The following AKR7A2 variants were observed in gnomAD, a reference collection of about 807,000 sequenced individuals.
AKR7A2 encodes aldo-keto reductase family 7 member A2, also known as aflatoxin B1 aldehyde reductase member 2.
AKR7A2 carries 29 observed loss-of-function variants against 37.3 expected under a neutral mutation model. That is an observed-to-expected ratio of 0.78 (90% confidence interval 0.58 to 1.06). The LOEUF (loss-of-function observed/expected upper bound fraction) is 1.06, where lower values mean the gene tolerates loss of function less well. AKR7A2 is among the 50% of genes least tolerant of loss of function. The pLI, the probability that AKR7A2 is intolerant of heterozygous loss-of-function variation, is 0.00. For synonymous variants in AKR7A2, 228 were observed against 217.8 expected (o/e 1.05, Z -0.41); for missense variants, 529 against 497.9 (o/e 1.06, Z -0.59).
At chr1:19,305,887 G>T in intron 6 of AKR7A2, 131 bp downstream of exon 6, 1 of 1,448,108 alleles carries the variant, frequency 6.9e-7, no homozygotes, top group Non-Finnish European at 9.6e-7. Flanking sequence ...CCAGTGGGAA[G>T]AGTGCTTATG....
In AKR7A2 at chr1:19,304,132, AC is replaced by A; in HGVS notation, c.*92del. ...GCATGGATCTAGACAATTCAGAAAAACCCTTCTAAGTCAGCTTAAGGCCAAG... is the reference window on the plus strand; with the variant it reads ...GCATGGATCTAGACAATTCAGAAAAACCTTCTAAGTCAGCTTAAGGCCAAG... On this transcript the variant is annotated 3_prime_UTR_variant, in exon 7 of 7. Transcript: ENST00000235835. 2 of 1,593,224 alleles carry A rather than the reference AC, an allele frequency of 1.3e-6. No homozygotes were observed. The highest frequency in any genetic ancestry group is 8.6e-7 in the Non-Finnish European group (1 of 1,161,584).
At chr1:19,310,898 T>G (rs1324534624) in intron 1 of AKR7A2, among the ~76,000 whole-genome samples, 1 of 152,054 alleles carries the variant, frequency 6.6e-6, no homozygotes, top group Non-Finnish European at 1.5e-5. Context: ...CCTCACTGAG[T>G]GCCAGGCACC....
chr1:19,307,933 G>C lies in AKR7A2; in HGVS notation c.591+225C>G, dbSNP rs1011137118. ...AGGCTGAAGTATGAAAGGAGGTGGG[G>C]AAGGAAGGGTCCAAGGTGCACAGAT... On this transcript the variant is annotated intron_variant, in intron 3 of 6. Transcript: ENST00000235835. The C allele has an allele frequency of 4.0e-5, 25 of 627,342 alleles. No individual in the cohort carries two copies. The African/African-American group carries it at 4.4e-4, about 11-fold the overall frequency. 38.9% of individuals were successfully genotyped at this position (627,342 alleles called of 1,614,324 possible). A position where few individuals can be genotyped will look rare whatever the true frequency, so the allele number is the denominator to read the frequency against.
intron 1 of AKR7A2, among the ~76,000 whole-genome samples, chr1:19,309,885 G>C (rs1015775880): frequency 2.0e-5 from 3 of 152,018 alleles, no homozygotes; most frequent in African/African-American, 4.8e-5. Context: ...GACCAGCCTT[G>C]GCCAACATGG....
chr1:19,311,965 G>A lies in AKR7A2; in HGVS notation c.160C>T (p.Pro54Ser), dbSNP rs1415848789. ...TMEMGRRMDA[P>S]ASAAAVRAFL... ...GCGCGCACGGCCGCGGCGCTGGCGG[G>A]CGCGTCCATGCGGCGCCCCATCTCC... Residue 54 changes from proline (P) to serine (S), a missense_variant, in exon 1 of 7, where the codon CCC becomes TCC. Pro to Ser is a moderately conservative substitution (Grantham distance 74, BLOSUM62 -1). Coordinates refer to ENST00000235835, the MANE Select transcript of AKR7A2 (RefSeq NM_003689.4). 2.6e-6 allele frequency: 4 copies of A among 1,568,492 alleles called. No homozygotes were observed. Among genetic ancestry groups the A allele is most frequent in the Admixed American group, 1.9e-5 (1 of 53,368 alleles).
chr1:19,309,771 A>C (rs1228051617), intron 1 of AKR7A2, among the ~76,000 whole-genome samples: 2 of 152,022 alleles, frequency 1.3e-5, no homozygotes, highest in Non-Finnish European at 2.9e-5. Flanking sequence ...CAAAAATAAA[A>C]ATTAAAAAAG....
chr1:19,307,448 T>C, intron 3 of AKR7A2, 38 bp from the exon 4 acceptor site: 1 of 1,609,428 alleles, frequency 6.2e-7, no homozygotes, highest in South Asian at 1.1e-5. Context: ...GGTGGACATG[T>C]CAAGAGAAGG....
At chr1:19,305,212 A>T (rs1215421330) in intron 6 of AKR7A2, 1 of 153,514 alleles carries the variant, frequency 6.5e-6, no homozygotes, top group Non-Finnish European at 1.4e-5. Flanking sequence ...TGTTTTCAGC[A>T]TTGGAATGAG....
intron 1 of AKR7A2, among the ~76,000 whole-genome samples, chr1:19,309,236 G>C (rs2093767905): frequency 6.6e-6 from 1 of 152,230 alleles, no homozygotes; most frequent in African/African-American, 2.4e-5. Flanking sequence ...TAGGACAAGA[G>C]ACAGGGACAG....
At position 19,306,158 on chromosome 1, in the gene AKR7A2, G is replaced by C; in HGVS notation, c.789-11C>G. On this transcript the variant is annotated splice_polypyrimidine_tract_variant and intron_variant, in intron 5 of 6. Coordinates refer to ENST00000235835, the MANE Select transcript of AKR7A2 (RefSeq NM_003689.4). ...TGCTCCTTCCAGAAGCTGTGCAGAGGGGATGTTAGCACAGGGGTCAGTACC... is the reference window on the plus strand; with the variant it reads ...TGCTCCTTCCAGAAGCTGTGCAGAGCGGATGTTAGCACAGGGGTCAGTACC... The C allele has an allele frequency of 6.2e-7, 1 of 1,614,182 alleles. No individual in the cohort carries two copies. Among genetic ancestry groups the C allele is most frequent in the Non-Finnish European group, 8.5e-7 (1 of 1,180,016 alleles).
intron 5 of AKR7A2, among the ~76,000 whole-genome samples, 182 bp downstream of exon 5, chr1:19,306,820 T>TC (rs970873962): frequency 5.3e-5 from 8 of 151,084 alleles, no homozygotes; most frequent in African/African-American, 1.5e-4. Context: ...GATCCTCATT[T>TC]CCCCCCCAGA....
intron 5 of AKR7A2, 24 bp from the exon 6 acceptor site, chr1:19,306,171 A>AG (rs2093761361): frequency 1.2e-6 from 2 of 1,614,136 alleles, no homozygotes; most frequent in East Asian, 4.5e-5. Flanking sequence ...ATGTTAGCAC[A>AG]GGGGTCAGTA....
In AKR7A2 at chr1:19,312,104, G is replaced by A. The variant is rs1194926200; in HGVS notation, c.21C>T (p.Arg7=). The change falls in exon 1 of 7, where the codon CGC becomes CGT. Residue 7 remains arginine (R), a synonymous_variant. Transcript: ENST00000235835. ...AGTGGACGGCGGCGCGGGAGACTAC[G>A]CGAGACGCGGCACTCAGCATAGCAG... MLSAAS[R]VVSRAAVHCA... 2.3e-6 allele frequency: 3 copies of A among 1,328,352 alleles called. No individual in the cohort carries two copies. Among genetic ancestry groups the A allele is most frequent in the Non-Finnish European group, 2.9e-6 (3 of 1,048,742 alleles). The allele number at this position is 1,328,352 out of a possible 1,614,324, so 82.3% of individuals were successfully genotyped here.
chr1:19,308,667 A>G, intron 1 of AKR7A2, 25 bp from the exon 2 acceptor site: 1 of 1,610,978 alleles, frequency 6.2e-7, no homozygotes, highest in East Asian at 2.2e-5. Context: ...GGAATGGTTA[A>G]GTGACCTATT....
At chr1:19,304,525 GCCTTGGATAGCTGTA>G (rs1313757255) in intron 6 of AKR7A2, 139 bp from the exon 7 acceptor site, 1 of 1,440,238 alleles carries the variant, frequency 6.9e-7, no homozygotes, top group Non-Finnish European at 9.7e-7. Flanking sequence ...GACTTAAGGT[GCCTTGGATAGCTGTA>G]CCCACGTGAC....
intron 2 of AKR7A2, 88 bp downstream of exon 2, chr1:19,308,367 A>T (rs1027620561): frequency 1.3e-6 from 2 of 1,594,870 alleles, no homozygotes; most frequent in Middle Eastern, 1.8e-4. Flanking sequence ...CCACCCTGGG[A>T]CTGCCCTGGT....
intron 6 of AKR7A2, 136 bp downstream of exon 6, chr1:19,305,882 G>A: frequency 1.4e-6 from 2 of 1,418,386 alleles, no homozygotes; most frequent in East Asian, 2.3e-5. Flanking sequence ...AAAGACCAGT[G>A]GGAAGAGTGC....
In AKR7A2 at chr1:19,311,870, G is replaced by C. The variant is rs2093777111; in HGVS notation, c.255C>G (p.Ile85Met). The change falls in exon 1 of 7, where the codon ATC becomes ATG. Residue 85 changes from isoleucine to methionine, a missense_variant. Physicochemically the swap from Ile to Met is conservative, Grantham distance 10. Coordinates refer to ENST00000235835, the MANE Select transcript of AKR7A2 (RefSeq NM_003689.4). ...FMYSDGQSET[I>M]LGGLGLGLGG... ...CCAGCCCGAGCCCCAGGCCGCCCAG[G>C]ATGGTCTCGGACTGGCCGTCGCTGT... 6.2e-7 allele frequency: 1 copy of C among 1,610,694 alleles called. No individual in the cohort carries two copies. Among genetic ancestry groups the C allele is most frequent in the East Asian group, 2.2e-5 (1 of 44,884 alleles).
intron 6 of AKR7A2, among the ~76,000 whole-genome samples, chr1:19,304,818 T>C (rs917237990): frequency 6.6e-6 from 1 of 152,092 alleles, no homozygotes; most frequent in Non-Finnish European, 1.5e-5. Context: ...GTGCATGCCT[T>C]GTCCCAGCTA....
Sources: gnomAD v4.1 joint callset for allele counts (sites outside exome capture counted in the v4.1 genomes callset) on GRCh38, gnomAD v4.1.1 for gene constraint, MANE v1.5 for transcripts, NCBI Gene and HGNC (gene_info 2026-07-23, HGNC 2026-07-21) for gene names.